The following TMTC2 variants were observed in gnomAD, a reference collection of about 807,000 sequenced individuals.
TMTC2 encodes transmembrane O-mannosyltransferase targeting cadherins 2, also known as protein O-mannosyl-transferase TMTC2.
A neutral mutation model predicts 82.4 loss-of-function variants in TMTC2; 43 were observed. The observed-to-expected ratio is 0.52, with a 90% CI of 0.41 to 0.67. The LOEUF (loss-of-function observed/expected upper bound fraction) is 0.67, where lower values mean the gene tolerates loss of function less well. Ranked by LOEUF, TMTC2 falls within the 30% of genes least tolerant of loss-of-function variation. The pLI, the probability that TMTC2 is intolerant of heterozygous loss-of-function variation, is 0.00. For synonymous variants in TMTC2, 408 were observed against 381.9 expected (o/e 1.07, Z -0.80); for missense variants, 919 against 1,012.4 (o/e 0.91, Z 1.25).
chr12:82,910,727 C>A (rs112791142), intron 3 of TMTC2, among the ~76,000 whole-genome samples: 1 of 152,276 alleles, frequency 6.6e-6, no homozygotes, highest in African/African-American at 2.4e-5. Flanking sequence ...ATTGCTCCGG[C>A]CAAACTCTGC....
chr12:82,832,919 G>A lies in TMTC2; in HGVS notation c.84-24091G>A, dbSNP rs557628791. Among the ~76,000 whole-genome samples the A allele has an allele frequency of 9.9e-5, 15 of 152,266 alleles. 1 individual carries two copies. In the South Asian group the frequency reaches 1.7e-3, roughly 17 times the overall value. On this transcript the variant is annotated intron_variant, in intron 1 of 11. Coordinates refer to ENST00000321196, the MANE Select transcript of TMTC2 (RefSeq NM_152588.3). ...CAGTTCCCTGTTGGTCCCACTTCCC[G>A]TGGAAATTTAATGTAAAACTTAGGC...
rs79179969 is a variant in TMTC2 at position 82,980,913 on chromosome 12, C to G, written c.1949-5012C>G. On this transcript the variant is annotated intron_variant, in intron 7 of 11. Transcript: ENST00000321196. ...GATTAAATCAAATTCATACATACCC[C>G]ACATTTTTCAAAAGGTTTTTGTTGT... 6.6e-3 allele frequency among the ~76,000 whole-genome samples: 996 copies of G among 151,926 alleles called. 16 individuals carry two copies. Among genetic ancestry groups the G allele is most frequent in the African/African-American group, 0.023 (957 of 41,524 alleles).
chr12:82,733,488 G>C (rs1393075557), intron 1 of TMTC2, among the ~76,000 whole-genome samples: 2 of 152,206 alleles, frequency 1.3e-5, no homozygotes, highest in Non-Finnish European at 2.9e-5. Context: ...TGCATGTGTA[G>C]GGAGGGTGGG....
chr12:82,906,306 CATG>C (rs376361438), intron 3 of TMTC2, among the ~76,000 whole-genome samples: 3 of 152,090 alleles, frequency 2.0e-5, no homozygotes, highest in African/African-American at 7.2e-5. Context: ...AATAATTTGT[CATG>C]ATATGTCCAA....
At chr12:82,789,102 T>C (rs761317005) in intron 1 of TMTC2, among the ~76,000 whole-genome samples, 6 of 152,226 alleles carry the variant, frequency 3.9e-5, no homozygotes, top group Non-Finnish European at 5.9e-5. Context: ...AATACTTTTT[T>C]GATTCGGCTT....
intron 11 of TMTC2, among the ~76,000 whole-genome samples, chr12:83,100,606 T>C (rs1273561941): frequency 6.6e-6 from 1 of 152,204 alleles, no homozygotes; most frequent in Non-Finnish European, 1.5e-5. Flanking sequence ...TGATAATAAG[T>C]TTATCAATAT....
At chr12:83,066,457 G>A (rs1011281042) in intron 11 of TMTC2, among the ~76,000 whole-genome samples, 1 of 151,966 alleles carries the variant, frequency 6.6e-6, no homozygotes, top group Non-Finnish European at 1.5e-5. Flanking sequence ...AAAGGTAGTG[G>A]ATACCATACT....
At chr12:82,735,385 G>A (rs1456643069) in intron 1 of TMTC2, among the ~76,000 whole-genome samples, 11 of 146,612 alleles carry the variant, frequency 7.5e-5, no homozygotes, top group Non-Finnish European at 1.3e-4. Context: ...TTACTCCGTC[G>A]CCCAGGCTGG....
intron 1 of TMTC2, among the ~76,000 whole-genome samples, chr12:82,715,756 C>T (rs1273536901): frequency 6.6e-6 from 1 of 152,086 alleles, no homozygotes; most frequent in Non-Finnish European, 1.5e-5. Context: ...GTAGGGATAT[C>T]AACCTTGAAG....
intron 1 of TMTC2, among the ~76,000 whole-genome samples, chr12:82,712,685 C>G (rs1873689925): frequency 6.6e-6 from 1 of 152,086 alleles, no homozygotes; most frequent in South Asian, 2.1e-4. Flanking sequence ...CAACCAGTAC[C>G]AAGGACTTGT....
rs1366276382 is a variant in TMTC2, at chr12:82,860,578, C to T, written c.654+2998C>T. 3.3e-5 allele frequency among the ~76,000 whole-genome samples: 5 copies of T among 152,328 alleles called. No homozygotes were observed. The East Asian group carries it at 7.7e-4, about 24-fold the overall frequency. On this transcript the variant is annotated intron_variant, in intron 2 of 11. Transcript: ENST00000321196. ...GAAATGAAGGCAGCTATAGTTCTCT[C>T]CCAGAGTTGTGAGGCTTATTTGAAA...
intron 2 of TMTC2, among the ~76,000 whole-genome samples, chr12:82,881,279 G>T (rs181073857): frequency 1.0e-3 from 157 of 152,276 alleles, no homozygotes; most frequent in African/African-American, 3.6e-3. Flanking sequence ...ATACTGCAAT[G>T]ATTATATGGG....
chr12:82,837,719 C>T (rs533892322), intron 1 of TMTC2, among the ~76,000 whole-genome samples: 1 of 152,268 alleles, frequency 6.6e-6, no homozygotes, highest in South Asian at 2.1e-4. Context: ...TCATTTAAAC[C>T]TTTTAAATAT....
chr12:82,848,957 G>A (rs1430588087), intron 1 of TMTC2, among the ~76,000 whole-genome samples: 1 of 152,150 alleles, frequency 6.6e-6, no homozygotes, highest in African/African-American at 2.4e-5. Context: ...GAAAAGAAAT[G>A]GTTTGAGCGG....
At chr12:83,044,347 A>G (rs889469832) in intron 9 of TMTC2, among the ~76,000 whole-genome samples, 4 of 152,180 alleles carry the variant, frequency 2.6e-5, no homozygotes, top group Admixed American at 6.5e-5. Flanking sequence ...TAGTGAGTGA[A>G]AAGACTCTGA....
At chr12:83,016,391 A>G (rs1381654466) in intron 8 of TMTC2, among the ~76,000 whole-genome samples, 1 of 151,644 alleles carries the variant, frequency 6.6e-6, no homozygotes, top group East Asian at 1.9e-4. Flanking sequence ...CTTTTTTCAA[A>G]CCTCCCCTGA....
At chr12:82,883,404 ATCT>A (rs1312451693) in intron 2 of TMTC2, among the ~76,000 whole-genome samples, 2 of 152,190 alleles carry the variant, frequency 1.3e-5, no homozygotes, top group Non-Finnish European at 2.9e-5. Flanking sequence ...ATAATATAAA[ATCT>A]TCTTTTTCTT....
intron 2 of TMTC2, among the ~76,000 whole-genome samples, chr12:82,859,852 G>A (rs1272226148): frequency 3.9e-5 from 6 of 152,188 alleles, no homozygotes; most frequent in East Asian, 1.9e-4. Context: ...GGTAGTGGTC[G>A]GGGGCAGCAA....
At chr12:82,972,866 T>G (rs1878510210) in intron 7 of TMTC2, among the ~76,000 whole-genome samples, 1 of 152,166 alleles carries the variant, frequency 6.6e-6, no homozygotes, top group African/African-American at 2.4e-5. Context: ...CTGAATCATT[T>G]ATTTTTGTTG....
Sources: gnomAD v4.1 joint callset for allele counts (sites outside exome capture counted in the v4.1 genomes callset) on GRCh38, gnomAD v4.1.1 for gene constraint, MANE v1.5 for transcripts, NCBI Gene and HGNC (gene_info 2026-07-23, HGNC 2026-07-21) for gene names.